CACNB2: variants seen among roughly 807,000 people sequenced by gnomAD.
CACNB2 encodes voltage-dependent L-type calcium channel subunit beta-2.
In CACNB2, 42 loss-of-function variants were observed where a neutral mutation model predicts 73.3. The observed-to-expected ratio is 0.57, with a 90% CI of 0.45 to 0.74. The LOEUF is 0.74. CACNB2 is among the 30% of genes least tolerant of loss of function. The probability of loss-of-function intolerance (pLI) is 0.00; values close to 1 mark genes in which losing one functional copy is unlikely to be tolerated. For missense variants in CACNB2, 940 were observed against 853.0 expected (o/e 1.10, Z -1.27); for synonymous variants, 348 against 310.3 (o/e 1.12, Z -1.28).
intron 2 of CACNB2, among the ~76,000 whole-genome samples, chr10:18,252,636 A>G (rs150801842): frequency 9.5e-4 from 144 of 152,274 alleles, no homozygotes; most frequent in African/African-American, 3.3e-3. Context: ...TGAGGAATAG[A>G]TAGATACATA....
intron 2 of CACNB2, among the ~76,000 whole-genome samples, chr10:18,312,839 G>A (rs1254445028): frequency 6.6e-6 from 1 of 152,154 alleles, no homozygotes; most frequent in African/African-American, 2.4e-5. Context: ...GGCATCCAGA[G>A]TTTTAGTGCG....
intron 13 of CACNB2, 65 bp from the exon 14 acceptor site, chr10:18,539,165 G>A: frequency 1.2e-6 from 2 of 1,606,244 alleles, no homozygotes; most frequent in East Asian, 2.2e-5. Context: ...GAATGCACTT[G>A]CTCTGGGACA....
chr10:18,485,753 T>G (rs538916513), intron 3 of CACNB2, among the ~76,000 whole-genome samples: 3 of 151,610 alleles, frequency 2.0e-5, no homozygotes, highest in South Asian at 4.2e-4. Flanking sequence ...GTAGACCTGG[T>G]TCCTAGGTCT....
At chr10:18,267,911 CA>C (rs1453510684) in intron 2 of CACNB2, among the ~76,000 whole-genome samples, 2 of 152,214 alleles carry the variant, frequency 1.3e-5, no homozygotes, top group Admixed American at 6.5e-5. Flanking sequence ...CAAGTTACTT[CA>C]TCACTCTGTG....
Position 18,542,343 on chromosome 10 carries a change from T to C in CACNB2, c.*2619T>C, listed in dbSNP as rs1027988292. The C allele has an allele frequency of 3.9e-5, 6 of 152,202 alleles. No individual in the cohort carries two copies. Among genetic ancestry groups the C allele is most frequent in the Admixed American group, 3.3e-4 (5 of 15,280 alleles). The allele number at this position is 152,202 out of a possible 1,614,324, so 9.4% of individuals were successfully genotyped here. ...CATAATAAACTTGACAATTCTTACA[T>C]TGGTAGGAAACCATATTCTAATTAA... On this transcript the variant is annotated 3_prime_UTR_variant, in exon 14 of 14. Transcript: ENST00000324631.
chr10:18,175,051 C>T (rs1032525914), intron 2 of CACNB2, among the ~76,000 whole-genome samples: 2 of 152,110 alleles, frequency 1.3e-5, no homozygotes, highest in Non-Finnish European at 2.9e-5. Flanking sequence ...CAGAGATTAA[C>T]AAGACTATTT....
intron 2 of CACNB2, among the ~76,000 whole-genome samples, chr10:18,269,189 G>A (rs2131634064): frequency 6.6e-6 from 1 of 152,262 alleles, no homozygotes; most frequent in East Asian, 1.9e-4. Context: ...TGAGATCTAA[G>A]CAGGTGAATT....
At chr10:18,336,778 A>G (rs967739854) in intron 2 of CACNB2, among the ~76,000 whole-genome samples, 2 of 152,232 alleles carry the variant, frequency 1.3e-5, no homozygotes, top group African/African-American at 4.8e-5. Flanking sequence ...AGAGATAAAA[A>G]ATATCCTAAC....
At chr10:18,175,578 T>G (rs2033538545) in intron 2 of CACNB2, among the ~76,000 whole-genome samples, 1 of 152,176 alleles carries the variant, frequency 6.6e-6, no homozygotes, top group Admixed American at 6.5e-5. Context: ...GGCTCCAGTC[T>G]TCCGGCTTCT....
At chr10:18,484,003 G>C (rs372143815) in intron 3 of CACNB2, among the ~76,000 whole-genome samples, 1 of 152,270 alleles carries the variant, frequency 6.6e-6, no homozygotes, top group African/African-American at 2.4e-5. Context: ...GCCACATTTC[G>C]TGGGCTGAGA....
chr10:18,314,685 T>G (rs2040091712), intron 2 of CACNB2, among the ~76,000 whole-genome samples: 1 of 152,158 alleles, frequency 6.6e-6, no homozygotes, highest in African/African-American at 2.4e-5. Flanking sequence ...CAGCAAAACA[T>G]TTTTTCATAC....
intron 2 of CACNB2, among the ~76,000 whole-genome samples, chr10:18,383,366 A>G (rs1409207): frequency 0.56 from 85,866 of 152,112 alleles, 24,850 homozygotes; most frequent in East Asian, 0.95. Flanking sequence ...AGGGGCTAGC[A>G]GAAGTGGGTA....
chr10:18,374,737 A>G (rs992368325), intron 2 of CACNB2, among the ~76,000 whole-genome samples: 12 of 152,192 alleles, frequency 7.9e-5, no homozygotes, highest in Admixed American at 4.6e-4. Flanking sequence ...CAGAATCACA[A>G]TGTAGCACTA....
chr10:18,263,932 C>G (rs1416184587), intron 2 of CACNB2, among the ~76,000 whole-genome samples: 9 of 152,226 alleles, frequency 5.9e-5, no homozygotes, highest in African/African-American at 1.9e-4. Flanking sequence ...TTGTTTACTC[C>G]TAACCATCAT....
intron 2 of CACNB2, among the ~76,000 whole-genome samples, chr10:18,349,392 G>A (rs2041610916): frequency 6.6e-6 from 1 of 152,218 alleles, no homozygotes; most frequent in South Asian, 2.1e-4. Context: ...CACAGCGAGT[G>A]TGAAGAATAA....
chr10:18,256,035 C>G (rs2037273526), intron 2 of CACNB2, among the ~76,000 whole-genome samples: 1 of 152,214 alleles, frequency 6.6e-6, no homozygotes, highest in East Asian at 1.9e-4. Context: ...TTTCAAAAGA[C>G]TGGCCAGGAA....
chr10:18,320,631 T>C (rs1368787024), intron 2 of CACNB2, among the ~76,000 whole-genome samples: 2 of 152,226 alleles, frequency 1.3e-5, no homozygotes, highest in Non-Finnish European at 2.9e-5. Context: ...TAACTTCCCA[T>C]GCCATTGTCA....
At chr10:18,468,454 AAAC>A (rs1021540736) in intron 3 of CACNB2, among the ~76,000 whole-genome samples, 17 of 152,232 alleles carry the variant, frequency 1.1e-4, no homozygotes, top group Non-Finnish European at 2.2e-4. Flanking sequence ...ATCCTGTCTC[AAAC>A]AACAACAACA....
intron 3 of CACNB2, 41 bp downstream of exon 3, chr10:18,402,084 G>A (rs769369648): frequency 1.2e-6 from 2 of 1,608,570 alleles, no homozygotes; most frequent in Admixed American, 1.7e-5. Flanking sequence ...TGCAAGTTGT[G>A]CTGTGCCCCT....
Sources: gnomAD v4.1 joint callset for allele counts (sites outside exome capture counted in the v4.1 genomes callset) on GRCh38, gnomAD v4.1.1 for gene constraint, MANE v1.5 for transcripts, NCBI Gene and HGNC (gene_info 2026-07-23, HGNC 2026-07-21) for gene names.